The following ITCH variants were observed in gnomAD, a reference collection of about 807,000 sequenced individuals.
ITCH encodes the protein itchy E3 ubiquitin protein ligase, also known as E3 ubiquitin-protein ligase Itchy homolog.
ITCH carries 28 observed loss-of-function variants against 126.8 expected under a neutral mutation model. The ratio of observed to expected loss-of-function variants is 0.22; its 90% CI spans 0.16 to 0.30. The LOEUF is 0.30. ITCH is among the 10% of genes least tolerant of loss of function. ITCH has a pLI of 1.00. For synonymous variants in ITCH, 342 were observed against 340.0 expected, an observed-to-expected ratio of 1.01 and a Z score of -0.06; for missense variants, 631 against 1,032.4, an observed-to-expected ratio of 0.61 and a Z score of 5.33.
intron 20 of ITCH, among the ~76,000 whole-genome samples, chr20:34,481,639 G>A (rs867598871): frequency 6.6e-6 from 1 of 152,138 alleles, no homozygotes; most frequent in Non-Finnish European, 1.5e-5. Context: ...ATGGTGGAAG[G>A]CAAGGAGGGG....
intron 7 of ITCH, among the ~76,000 whole-genome samples, chr20:34,425,276 C>T (rs1374445622): frequency 2.0e-5 from 3 of 152,160 alleles, no homozygotes; most frequent in African/African-American, 7.2e-5. Flanking sequence ...CGATTAACCA[C>T]GGACACAATG....
chr20:34,486,015 TTTG>T (rs1362760422), intron 20 of ITCH, among the ~76,000 whole-genome samples: 1 of 152,110 alleles, frequency 6.6e-6, no homozygotes, highest in Non-Finnish European at 1.5e-5. Context: ...CCCACAATTT[TTTG>T]TTGTTTTTTT....
intron 11 of ITCH, among the ~76,000 whole-genome samples, chr20:34,448,840 T>C (rs987869718): frequency 3.3e-5 from 5 of 152,136 alleles, no homozygotes; most frequent in Admixed American, 6.6e-5. Context: ...TCTCCACCAA[T>C]GTGATCATTG....
rs186858986 is a variant in ITCH at position 34,442,991 on chromosome 20, A to T, written c.965+688A>T. ...ACTCTGTCTCAAAAAAAAAAAAAAA[A>T]TTTCCTTAACTTTTCTTGTCTAAGC... On this transcript the variant is annotated intron_variant, in intron 10 of 24. Coordinates refer to ENST00000374864, the MANE Select transcript of ITCH (RefSeq NM_031483.7). Among the ~76,000 whole-genome samples the T allele has an allele frequency of 9.3e-5, 14 of 151,284 alleles. No homozygotes were observed. In the East Asian group the frequency reaches 2.5e-3, roughly 27 times the overall value.
intron 23 of ITCH, among the ~76,000 whole-genome samples, chr20:34,495,097 C>CA (rs71194611): frequency 0.045 from 4,936 of 110,322 alleles, 261 homozygotes; most frequent in African/African-American, 0.14. Context: ...ACGAAAAATA[C>CA]AAAAAAAAAA....
At chr20:34,479,930 G>T in intron 18 of ITCH, 141 bp downstream of exon 18, 3 of 764,074 alleles carry the variant, frequency 3.9e-6, no homozygotes, top group Non-Finnish European at 6.6e-6. Flanking sequence ...ACAGAGTCTT[G>T]CTCTGTCACC....
chr20:34,417,703 CTTTTTTTTTTTTT>C (rs77967776), intron 6 of ITCH, among the ~76,000 whole-genome samples: 1 of 109,308 alleles, frequency 9.1e-6, no homozygotes, highest in African/African-American at 3.6e-5. Context: ...CCTGGCCCAG[CTTTTTTTTTTTTT>C]TTTTTTTTTT....
At chr20:34,476,197 A>G in intron 16 of ITCH, 2 of 802,634 alleles carry the variant, frequency 2.5e-6, no homozygotes, top group Non-Finnish European at 4.5e-6. Context: ...ATTTTCAACC[A>G]CAACGTCTAG....
chr20:34,395,978 T>TTA (rs2038659354), intron 3 of ITCH, among the ~76,000 whole-genome samples: 2 of 151,952 alleles, frequency 1.3e-5, no homozygotes, highest in Admixed American at 1.3e-4. Flanking sequence ...AATTCCTAGG[T>TTA]TATATGGAAT....
At chr20:34,468,036 T>G (rs1987251359) in intron 14 of ITCH, among the ~76,000 whole-genome samples, 1 of 45,754 alleles carries the variant, frequency 2.2e-5, no homozygotes, top group African/African-American at 6.0e-5. Context: ...CTTGGAAACT[T>G]TTTTTTTTTT....
intron 2 of ITCH, among the ~76,000 whole-genome samples, chr20:34,371,365 C>T (rs956673729): frequency 1.3e-5 from 2 of 149,788 alleles, no homozygotes; most frequent in Admixed American, 6.7e-5. Context: ...CAGCTTCTGC[C>T]CCCTGGGTTC....
At chr20:34,377,983 A>G (rs2037909746) in intron 2 of ITCH, among the ~76,000 whole-genome samples, 2 of 152,084 alleles carry the variant, frequency 1.3e-5, no homozygotes, top group African/African-American at 2.4e-5. Flanking sequence ...TATTTTCTAA[A>G]TAAGATTTAG....
intron 6 of ITCH, chr20:34,417,099 ACT>A: frequency 1.6e-6 from 1 of 622,122 alleles, no homozygotes; most frequent in Admixed American, 2.2e-5. Flanking sequence ...ATTTAGGTAG[ACT>A]TTTTTTTTTT....
intron 2 of ITCH, among the ~76,000 whole-genome samples, chr20:34,377,887 T>C (rs1006240471): frequency 6.6e-6 from 1 of 151,634 alleles, no homozygotes; most frequent in South Asian, 2.1e-4. Context: ...AAAAAAAAAT[T>C]ATGATTCAGA....
At chr20:34,437,089 A>C (rs1012797496) in intron 7 of ITCH, among the ~76,000 whole-genome samples, 1 of 151,944 alleles carries the variant, frequency 6.6e-6, no homozygotes, top group African/African-American at 2.4e-5. Context: ...AGATCACACC[A>C]CTGCACTCCA....
intron 2 of ITCH, among the ~76,000 whole-genome samples, chr20:34,379,019 A>G (rs1286772548): frequency 6.6e-6 from 1 of 152,158 alleles, no homozygotes; most frequent in African/African-American, 2.4e-5. Context: ...GCTATTTACT[A>G]TAGGTCTTAA....
chr20:34,510,288 T>C lies in ITCH; in HGVS notation c.*2494T>C, dbSNP rs1039366681. ...TGCAAATAGACCGCAGACATAAATATCTACCAAATGCTATCTTAAATTTTG... is the reference window on the plus strand; with the variant it reads ...TGCAAATAGACCGCAGACATAAATACCTACCAAATGCTATCTTAAATTTTG... On this transcript the variant is annotated 3_prime_UTR_variant, in exon 25 of 25. Transcript: ENST00000374864. 1.3e-5 allele frequency: 2 copies of C among 152,586 alleles called. No individual in the cohort carries two copies. The highest frequency in any genetic ancestry group is 1.3e-4 in the Admixed American group (2 of 15,270). The allele number at this position is 152,586 out of a possible 1,614,324, so 9.5% of individuals were successfully genotyped here.
At chr20:34,372,260 ACG>A (rs1339868092) in intron 2 of ITCH, among the ~76,000 whole-genome samples, 87 of 137,512 alleles carry the variant, frequency 6.3e-4, no homozygotes, top group Non-Finnish European at 1.2e-3. Context: ...AGCCGAGTTC[ACG>A]CCACTGCACT....
At chr20:34,506,122 TAGCTCA>T (rs1378655062) in intron 24 of ITCH, among the ~76,000 whole-genome samples, 2 of 152,078 alleles carry the variant, frequency 1.3e-5, no homozygotes, top group African/African-American at 2.4e-5. Flanking sequence ...TGGAGTGCTG[TAGCTCA>T]ATCTCCACTC....
Sources: allele counts gnomAD v4.1 joint callset (sites outside exome capture counted in the v4.1 genomes callset), GRCh38; gene constraint gnomAD v4.1.1; transcripts MANE v1.5; gene names NCBI Gene and HGNC (gene_info 2026-07-23, HGNC 2026-07-21).